Variants in LRRTM4 observed in about 807,000 individuals in gnomAD.
LRRTM4 encodes the protein leucine-rich repeat transmembrane neuronal protein 4.
A neutral mutation model predicts 47.6 loss-of-function variants in LRRTM4; 25 were observed. The ratio of observed to expected loss-of-function variants is 0.53; its 90% CI spans 0.38 to 0.73. The LOEUF (loss-of-function observed/expected upper bound fraction) is 0.73, where lower values mean the gene tolerates loss of function less well. Ranked by LOEUF, LRRTM4 falls within the 30% of genes least tolerant of loss-of-function variation. LRRTM4 has a pLI of 0.00. For synonymous variants in LRRTM4, 311 were observed against 269.5 expected (o/e 1.15, Z -1.51); for missense variants, 638 against 713.4 (o/e 0.89, Z 1.20).
At chr2:77,240,681 G>A (rs1675234773) in intron 3 of LRRTM4, among the ~76,000 whole-genome samples, 1 of 151,926 alleles carries the variant, frequency 6.6e-6, no homozygotes, top group African/African-American at 2.4e-5. Flanking sequence ...TCTAAAAAAT[G>A]CTACCGCCAC....
intron 3 of LRRTM4, among the ~76,000 whole-genome samples, chr2:76,927,976 G>A (rs1183310199): frequency 1.3e-5 from 2 of 152,164 alleles, no homozygotes. Flanking sequence ...ACACTGAAAT[G>A]ATTCAAATAA....
intron 3 of LRRTM4, among the ~76,000 whole-genome samples, chr2:77,057,420 T>C (rs1427792419): frequency 2.0e-5 from 3 of 152,158 alleles, no homozygotes; most frequent in East Asian, 1.9e-4. Context: ...AACTAATTAA[T>C]TGGATTATCA....
chr2:77,161,291 C>G (rs1573022970), intron 3 of LRRTM4, among the ~76,000 whole-genome samples: 1 of 152,150 alleles, frequency 6.6e-6, no homozygotes, highest in East Asian at 1.9e-4. Context: ...ACGGAACTGA[C>G]TTGACTGGTA....
At chr2:77,086,902 A>C (rs945204439) in intron 3 of LRRTM4, among the ~76,000 whole-genome samples, 3 of 130,456 alleles carry the variant, frequency 2.3e-5, no homozygotes, top group East Asian at 2.7e-4. Flanking sequence ...TTCTGGCAGT[A>C]ATGTTATCTA....
intron 3 of LRRTM4, among the ~76,000 whole-genome samples, chr2:77,078,360 T>C (rs1277960164): frequency 7.1e-6 from 1 of 140,862 alleles, no homozygotes; most frequent in African/African-American, 2.8e-5. Flanking sequence ...AAAAAATATG[T>C]TTGTCTATTA....
intron 3 of LRRTM4, among the ~76,000 whole-genome samples, chr2:76,777,487 T>G (rs1466318000): frequency 1.4e-5 from 2 of 140,084 alleles, no homozygotes; most frequent in East Asian, 2.3e-4. Flanking sequence ...CCCTTGTAAG[T>G]TGGATTCCTA....
chr2:77,383,940 T>G (rs530877652), intron 3 of LRRTM4, among the ~76,000 whole-genome samples: 1 of 152,106 alleles, frequency 6.6e-6, no homozygotes, highest in Admixed American at 6.6e-5. Context: ...ACCACTACAC[T>G]AGGCTGTACT....
chr2:77,032,424 A>G (rs1678693817), intron 3 of LRRTM4, among the ~76,000 whole-genome samples: 1 of 152,156 alleles, frequency 6.6e-6, no homozygotes, highest in Admixed American at 6.6e-5. Flanking sequence ...ATTACCTAGT[A>G]TCTTTCTCCT....
chr2:77,175,095 A>C (rs905583792), intron 3 of LRRTM4, among the ~76,000 whole-genome samples: 1 of 143,510 alleles, frequency 7.0e-6, no homozygotes, highest in African/African-American at 2.7e-5. Flanking sequence ...TTTTTGACAC[A>C]GTCACACTCC....
chr2:77,130,172 A>G (rs994893766), intron 3 of LRRTM4, among the ~76,000 whole-genome samples: 4 of 152,198 alleles, frequency 2.6e-5, no homozygotes, highest in Admixed American at 6.5e-5. Flanking sequence ...TAATAAATCT[A>G]TTACTAGGGA....
chr2:77,363,849 CAT>C, intron 3 of LRRTM4, among the ~76,000 whole-genome samples: 1 of 152,186 alleles, frequency 6.6e-6, no homozygotes, highest in South Asian at 2.1e-4. Context: ...TTTAACAAAA[CAT>C]ATTATATAAC....
chr2:76,851,304 AT>A (rs1553419664), intron 3 of LRRTM4, among the ~76,000 whole-genome samples: 1 of 152,212 alleles, frequency 6.6e-6, no homozygotes, highest in Non-Finnish European at 1.5e-5. Context: ...CAATAAAAAA[AT>A]GATGCCATTC....
intron 3 of LRRTM4, among the ~76,000 whole-genome samples, chr2:76,973,624 T>A (rs1280740548): frequency 6.6e-6 from 1 of 151,922 alleles, no homozygotes; most frequent in Non-Finnish European, 1.5e-5. Context: ...AGCTCTAATA[T>A]ATACTTTTGA....
Position 77,216,930 on chromosome 2 carries a change from G to A in LRRTM4, c.1551+301388C>T, listed in dbSNP as rs376375643. Among the ~76,000 whole-genome samples the A allele has an allele frequency of 3.6e-4, 55 of 151,866 alleles. 1 individual carries two copies. The highest frequency in any genetic ancestry group is 1.3e-3 in the African/African-American group (52 of 41,342). ...TTACTAAAAATACAAAAAATTAGCC[G>A]GGCGTGGTGGAGGGCACCTGTAGTC... On this transcript the variant is annotated intron_variant, in intron 3 of 3. Transcript: ENST00000409884.
At chr2:77,058,724 G>A (rs1679688425) in intron 3 of LRRTM4, among the ~76,000 whole-genome samples, 1 of 152,026 alleles carries the variant, frequency 6.6e-6, no homozygotes, top group Admixed American at 6.6e-5. Context: ...AAGAGAATTA[G>A]TATAAGATGT....
At chr2:77,095,959 A>G (rs1413218871) in intron 3 of LRRTM4, among the ~76,000 whole-genome samples, 1 of 152,132 alleles carries the variant, frequency 6.6e-6, no homozygotes, top group Non-Finnish European at 1.5e-5. Flanking sequence ...TTTTGACTGC[A>G]TGGTGACCAG....
chr2:76,953,399 A>G (rs1256830477), intron 3 of LRRTM4, among the ~76,000 whole-genome samples: 1 of 151,934 alleles, frequency 6.6e-6, no homozygotes, highest in Non-Finnish European at 1.5e-5. Context: ...GAAACGGGCA[A>G]AAATGCTATT....
chr2:76,807,297 G>A (rs1444685748), intron 3 of LRRTM4, among the ~76,000 whole-genome samples: 1 of 150,476 alleles, frequency 6.6e-6, no homozygotes, highest in Middle Eastern at 3.2e-3. Context: ...TGTTTAGCAT[G>A]GCACAAATAC....
intron 3 of LRRTM4, among the ~76,000 whole-genome samples, chr2:77,052,064 A>G (rs1158062536): frequency 6.6e-6 from 1 of 151,700 alleles, no homozygotes; most frequent in African/African-American, 2.4e-5. Context: ...ACCTTTGACC[A>G]TGAGAGGGAT....
Sources: gnomAD v4.1 joint callset for allele counts (sites outside exome capture counted in the v4.1 genomes callset) on GRCh38, gnomAD v4.1.1 for gene constraint, MANE v1.5 for transcripts, NCBI Gene and HGNC (gene_info 2026-07-23, HGNC 2026-07-21) for gene names.